The following DGAT1 variants were observed in gnomAD, a reference collection of about 807,000 sequenced individuals.
The protein encoded by DGAT1 is diacylglycerol O-acyltransferase 1.
DGAT1 carries 60 observed loss-of-function variants against 72.6 expected under a neutral mutation model. The observed-to-expected ratio is 0.83, with a 90% CI of 0.67 to 1.02. The LOEUF (loss-of-function observed/expected upper bound fraction) is 1.02, where lower values mean the gene tolerates loss of function less well. Among genes scored for constraint, DGAT1 ranks in the 50% least tolerant of loss-of-function variants. DGAT1 has a pLI of 0.00. For missense variants in DGAT1, 592 were observed against 670.0 expected (o/e 0.88, Z 1.29); for synonymous variants, 290 against 267.5 (o/e 1.08, Z -0.82).
At position 144,316,055 on chromosome 8, in the gene DGAT1, C is replaced by T; in HGVS notation, c.*499G>A. The stretch of plus-strand genomic sequence containing the variant: ...AGAGTGCCGATTCCCGCACACCCAG[C>T]AGGAGTAGCACCAGGAGAGGACGCC... On this transcript the variant is annotated 3_prime_UTR_variant, in exon 17 of 17. Coordinates refer to ENST00000528718, the MANE Select transcript of DGAT1 (RefSeq NM_012079.6). The T allele has an allele frequency of 4.5e-6, 2 of 447,966 alleles. No homozygotes were observed. The highest frequency in any genetic ancestry group is 5.9e-6 in the Non-Finnish European group (2 of 336,182). 27.7% of individuals were successfully genotyped at this position (447,966 alleles called of 1,614,324 possible). A position where few individuals can be genotyped will look rare whatever the true frequency, so the allele number is the denominator to read the frequency against.
chr8:144,318,206 C>A (rs1554847541), intron 7 of DGAT1, 37 bp from the exon 8 acceptor site: 2 of 1,609,486 alleles, frequency 1.2e-6, no homozygotes, highest in Non-Finnish European at 1.7e-6. Flanking sequence ...GCTGGTGGGG[C>A]CCTGCTGCTG....
chr8:144,320,485 G>A (rs782780350), intron 2 of DGAT1, among the ~76,000 whole-genome samples: 1 of 152,202 alleles, frequency 6.6e-6, no homozygotes, highest in Non-Finnish European at 1.5e-5. Context: ...CCCCTTCCAC[G>A]TGGGTAGCCA....
At chr8:144,324,375 G>A (rs1554848535) in intron 1 of DGAT1, among the ~76,000 whole-genome samples, 1 of 152,124 alleles carries the variant, frequency 6.6e-6, no homozygotes, top group Non-Finnish European at 1.5e-5. Flanking sequence ...GTCCCAGGAG[G>A]GCAGGCAGAG....
At chr8:144,319,439 C>T (rs1485820588) in intron 2 of DGAT1, among the ~76,000 whole-genome samples, 2 of 152,214 alleles carry the variant, frequency 1.3e-5, no homozygotes, top group Admixed American at 6.5e-5. Flanking sequence ...CCAAGGCTCC[C>T]ACAGCCAACC....
Position 144,317,201 on chromosome 8 carries a change from G to C in DGAT1, c.1146C>G (p.His382Gln). 1 of 1,609,772 alleles carries C rather than the reference G, an allele frequency of 6.2e-7. No homozygotes were observed. The highest frequency in any genetic ancestry group is 8.5e-7 in the Non-Finnish European group (1 of 1,176,954). The change falls in exon 14 of 17, where the codon CAC becomes CAG. Residue 382 changes from histidine (H) to glutamine (Q), a missense_variant. Transcript: ENST00000528718. ...ACCCCACCTACCTGATGCACCACTT[G>C]TGCACAGGGATGTTCCAGTTCTGCC... ...YFWQNWNIPV[H>Q]KWCIRHFYKP...
At chr8:144,321,225 C>A (rs1424120059) in intron 2 of DGAT1, 96 bp downstream of exon 2, 6 of 1,196,922 alleles carry the variant, frequency 5.0e-6, no homozygotes, top group Non-Finnish European at 7.5e-6. Flanking sequence ...CCAGCCTGGA[C>A]ACCCTGGGTG....
chr8:144,315,751 G>A lies in DGAT1; in HGVS notation c.*803C>T, dbSNP rs1421841509. ...GGATCAGGGGTGCCCCAACCTCGTGGAGGGCAGCTGAGAGCCACCAGCCCA... is the reference window on the plus strand; with the variant it reads ...GGATCAGGGGTGCCCCAACCTCGTGAAGGGCAGCTGAGAGCCACCAGCCCA... On this transcript the variant is annotated 3_prime_UTR_variant, in exon 17 of 17. Transcript: ENST00000528718. The A allele has an allele frequency of 5.5e-6, 5 of 913,280 alleles. No homozygotes were observed. The highest frequency in any genetic ancestry group is 6.5e-6 in the Non-Finnish European group (5 of 764,282). The allele number at this position is 913,280 out of a possible 1,614,324, so 56.6% of individuals were successfully genotyped here. A position where few individuals can be genotyped will look rare whatever the true frequency, so the allele number is the denominator to read the frequency against.
chr8:144,319,722 GA>G (rs1370641128), intron 2 of DGAT1, among the ~76,000 whole-genome samples: 2 of 152,190 alleles, frequency 1.3e-5, no homozygotes, highest in African/African-American at 4.8e-5. Context: ...AGCCCCCATG[GA>G]ATAAGGCTCT....
In DGAT1 at chr8:144,326,680, G is replaced by T; in HGVS notation, c.-44C>A. The T allele has an allele frequency of 1.7e-6, 2 of 1,153,258 alleles. No individual in the cohort carries two copies. The highest frequency in any genetic ancestry group is 7.0e-5 in the South Asian group (2 of 28,556). 71.4% of individuals were successfully genotyped at this position (1,153,258 alleles called of 1,614,324 possible). A position where few individuals can be genotyped will look rare whatever the true frequency, so the allele number is the denominator to read the frequency against. ...GCCGCAGCCAAGCGTGGGCCCGCCG[G>T]GTTCGTAGCGCCCGAGGCGCGCGGC... On this transcript the variant is annotated 5_prime_UTR_variant, in exon 1 of 17. Coordinates refer to ENST00000528718, the MANE Select transcript of DGAT1 (RefSeq NM_012079.6).
In DGAT1 at chr8:144,317,093, T is replaced by C. The variant is rs1316105193; in HGVS notation, c.1177A>G (p.Met393Val). ...CACTTGCTGCTGCCCCGTCGAAGCATGGGCTTGTAGAAGTGTCTGCAGAGG... is the reference window on the plus strand; with the variant it reads ...CACTTGCTGCTGCCCCGTCGAAGCACGGGCTTGTAGAAGTGTCTGCAGAGG... ...KWCIRHFYKP[M>V]LRRGSSKWMA... Residue 393 changes from methionine (M) to valine (V), a missense_variant, in exon 15 of 17, where the codon ATG becomes GTG. Transcript: ENST00000528718. 11 of 1,612,884 alleles carry C rather than the reference T, an allele frequency of 6.8e-6. No homozygotes were observed. Among genetic ancestry groups the C allele is most frequent in the Non-Finnish European group, 8.5e-6 (10 of 1,179,934 alleles).
Position 144,314,990 on chromosome 8 carries a change from C to T in DGAT1, c.*1564G>A. 1.0e-6 allele frequency: 1 copy of T among 985,894 alleles called. No individual in the cohort carries two copies. Among genetic ancestry groups the T allele is most frequent in the Non-Finnish European group, 1.2e-6 (1 of 830,322 alleles). 61.1% of individuals were successfully genotyped at this position (985,894 alleles called of 1,614,324 possible). On this transcript the variant is annotated 3_prime_UTR_variant, in exon 17 of 17. Transcript: ENST00000528718. ...GAACCCCCTTCCCAAGGTGTTCGCA[C>T]TCGGACAGGTGATGCGGGGCGGGCA...
rs1554847198 is a variant in DGAT1 at position 144,317,099 on chromosome 8, T to C, written c.1171A>G (p.Lys391Glu). Residue 391 changes from lysine to glutamate, a missense_variant, in exon 15 of 17, where the codon AAG becomes GAG. Lys to Glu is a moderately conservative substitution (Grantham distance 56). Coordinates refer to ENST00000528718, the MANE Select transcript of DGAT1 (RefSeq NM_012079.6). Reference protein sequence around the residue: ...VHKWCIRHFYKPMLRRGSSKW... With the variant: ...VHKWCIRHFYEPMLRRGSSKW... Reference sequence around the variant, plus strand: ...CTGCTGCCCCGTCGAAGCATGGGCTTGTAGAAGTGTCTGCAGAGGAGGGGG... The same window carrying C: ...CTGCTGCCCCGTCGAAGCATGGGCTCGTAGAAGTGTCTGCAGAGGAGGGGG... The C allele has an allele frequency of 6.2e-7, 1 of 1,613,016 alleles. No individual in the cohort carries two copies. The highest frequency in any genetic ancestry group is 1.1e-5 in the South Asian group (1 of 91,086).
chr8:144,317,400 G>C lies in DGAT1; in HGVS notation c.1027C>G (p.His343Asp), dbSNP rs1554847289. The change falls in exon 13 of 17, where the codon CAC becomes GAC. Residue 343 changes from histidine (H) to aspartate (D), a missense_variant. Physicochemically the swap from His to Asp is moderately conservative, Grantham distance 81. Coordinates refer to ENST00000528718, the MANE Select transcript of DGAT1 (RefSeq NM_012079.6). ...IWLIFFYWLF[H>D]SCLNAVAELM... ...TCAGCCACGGCATTCAGGCAGGAGT[G>C]GAAGAGCCAGTAGAAGAAGATGAGC... 1 of 1,613,862 alleles carries C rather than the reference G, an allele frequency of 6.2e-7. No individual in the cohort carries two copies.
chr8:144,317,805 G>A lies in DGAT1; in HGVS notation c.873C>T (p.Leu291=), dbSNP rs782176186. 2.8e-5 allele frequency: 45 copies of A among 1,612,288 alleles called. No homozygotes were observed. The Middle Eastern group carries it at 4.9e-4, about 18-fold the overall frequency. The change falls in exon 10 of 17, where the codon CTC becomes CTT. Residue 291 remains leucine, a synonymous_variant. Transcript: ENST00000528718. ...TTACCTGCTGGATCAGCCCCACCTG[G>A]AGCTGGGTGAAGAACAGCTGGGGGG... The part of the protein sequence containing the change: ...RILEMLFFTQ[L]QVGLIQQWMV...
intron 1 of DGAT1, among the ~76,000 whole-genome samples, chr8:144,321,836 G>A (rs1340001068): frequency 6.6e-6 from 1 of 152,234 alleles, no homozygotes; most frequent in East Asian, 1.9e-4. Flanking sequence ...AAGTGGTGAG[G>A]GTTGAGTCCA....
chr8:144,319,117 G>A, intron 2 of DGAT1, 49 bp from the exon 3 acceptor site: 2 of 1,547,668 alleles, frequency 1.3e-6, no homozygotes, highest in Non-Finnish European at 8.7e-7. Flanking sequence ...CTGGCCACAG[G>A]GTACTCACCC....
chr8:144,316,849 T>C lies in DGAT1; in HGVS notation c.1311+4A>G, dbSNP rs782685441. 77 of 1,608,790 alleles carry C rather than the reference T, an allele frequency of 4.8e-5. No individual in the cohort carries two copies. Among genetic ancestry groups the C allele is most frequent in the Non-Finnish European group, 6.4e-5 (76 of 1,178,348 alleles). The stretch of plus-strand genomic sequence containing the variant: ...AGTGAGGAGGCCACGTGGGGGTCAC[T>C]CACCTGAGCCATCATGCCCGTGAAC... On this transcript the variant is annotated splice_donor_region_variant and intron_variant, in intron 16 of 16. Transcript: ENST00000528718.
Position 144,317,570 on chromosome 8 carries a change from T to C in DGAT1, c.955A>G (p.Ile319Val), listed in dbSNP as rs1400043688. 1 of 1,613,902 alleles carries C rather than the reference T, an allele frequency of 6.2e-7. No homozygotes were observed. Among genetic ancestry groups the C allele is most frequent in the Admixed American group, 1.7e-5 (1 of 60,018 alleles). Residue 319 changes from isoleucine (I) to valine (V), a missense_variant, in exon 12 of 17, where the codon ATC becomes GTC. Ile to Val is a conservative substitution (Grantham distance 29). Coordinates refer to ENST00000528718, the MANE Select transcript of DGAT1 (RefSeq NM_012079.6). ...GCCAGCTTCAGGAGGCGCTCGATGA[T>C]GCGTGAGTAGTCCATGTCCTGCAGA... ...KPFKDMDYSR[I>V]IERLLKLAVP... is the part of the protein sequence containing the mutation.
rs1339503278 is a variant in DGAT1, at chr8:144,326,542, C to A, written c.95G>T (p.Arg32Leu). The change falls in exon 1 of 17, where the codon CGG (arginine) becomes CTG (leucine). Residue 32 changes from arginine (R) to leucine (L), a missense_variant. By Grantham distance (102) the Arg-to-Leu change is moderately radical (BLOSUM62 -2). Transcript: ENST00000528718. ...GGPAAAEEEVRDAAAGPDVGA... is the reference protein window; with the variant it reads ...GGPAAAEEEVLDAAAGPDVGA... ...CACGTCGGGGCCCGCAGCGGCGTCC[C>A]GCACCTCCTCTTCCGCCGCCGCAGG... The A allele has an allele frequency of 6.8e-5, 86 of 1,270,620 alleles. No homozygotes were observed. The highest frequency in any genetic ancestry group is 1.2e-4 in the Admixed American group (3 of 24,262). 78.7% of individuals were successfully genotyped at this position (1,270,620 alleles called of 1,614,324 possible). A position where few individuals can be genotyped will look rare whatever the true frequency, so the allele number is the denominator to read the frequency against.
Sources: gnomAD v4.1 joint callset for allele counts (sites outside exome capture counted in the v4.1 genomes callset) on GRCh38, gnomAD v4.1.1 for gene constraint, MANE v1.5 for transcripts, NCBI Gene and HGNC (gene_info 2026-07-23, HGNC 2026-07-21) for gene names.